The following ZNF652 variants were observed in gnomAD, a reference collection of about 807,000 sequenced individuals.
ZNF652 encodes the protein zinc finger protein 652.
A neutral mutation model predicts 45.2 loss-of-function variants in ZNF652; 16 were observed. That is an observed-to-expected ratio of 0.35 (90% CI 0.24 to 0.54). ZNF652 has a LOEUF of 0.54. Ranked by LOEUF, ZNF652 falls within the 20% of genes least tolerant of loss-of-function variation. The pLI, the probability that ZNF652 is intolerant of heterozygous loss-of-function variation, is 0.91. For missense variants in ZNF652, 614 were observed against 765.6 expected, an observed-to-expected ratio of 0.80 and a Z score of 2.34; for synonymous variants, 250 against 260.6, an observed-to-expected ratio of 0.96 and a Z score of 0.39.
chr17:49,317,525 C>A lies in ZNF652; in HGVS notation c.201G>T (p.Met67Ile), dbSNP rs1346332091. 1 of 1,613,986 alleles carries A rather than the reference C, an allele frequency of 6.2e-7. No homozygotes were observed. Among genetic ancestry groups the A allele is most frequent in the Non-Finnish European group, 8.5e-7 (1 of 1,180,008 alleles). ...CTGTTTCATGGAGATGCGGTTTGCT[C>A]ATCTTGGTGTCCACTAACACAGAAT... ...SPYSVLVDTK[M>I]SKPHLHETEE... Residue 67 changes from methionine to isoleucine, a missense_variant, in exon 2 of 6, where the codon ATG becomes ATT. By Grantham distance (10) the Met-to-Ile change is conservative (BLOSUM62 1). Transcript: ENST00000430262.
At chr17:49,315,896 GAAGAA>G (rs1369419710) in intron 2 of ZNF652, among the ~76,000 whole-genome samples, 5 of 152,168 alleles carry the variant, frequency 3.3e-5, no homozygotes, top group African/African-American at 9.7e-5. Flanking sequence ...AAAAGCAACA[GAAGAA>G]AAGTGAAACT....
intron 1 of ZNF652, among the ~76,000 whole-genome samples, chr17:49,340,549 C>CAAAAA (rs1040246588): frequency 4.6e-4 from 23 of 49,706 alleles, no homozygotes; most frequent in African/African-American, 1.0e-3. Context: ...GACTCTGTCT[C>CAAAAA]AAAAAAAAAA....
intron 1 of ZNF652, among the ~76,000 whole-genome samples, chr17:49,353,325 C>T (rs1262953175): frequency 6.6e-6 from 1 of 151,992 alleles, no homozygotes; most frequent in African/African-American, 2.4e-5. Context: ...GGGACTACAC[C>T]ACACCTGGCT....
rs72835492 is a variant in ZNF652 at position 49,338,225 on chromosome 17, G to A, written c.-258-20242C>T. ...TGGTCTTAAACTCCTTGCCTCAAGCGATCCTCCTGCCTCAGCCTCCCAAAG... is the reference window on the plus strand; with the variant it reads ...TGGTCTTAAACTCCTTGCCTCAAGCAATCCTCCTGCCTCAGCCTCCCAAAG... On this transcript the variant is annotated intron_variant, in intron 1 of 5. Coordinates refer to ENST00000430262, the MANE Select transcript of ZNF652 (RefSeq NM_001145365.3). Among the ~76,000 whole-genome samples, 941 of 151,362 alleles carry A rather than the reference G, an allele frequency of 6.2e-3. 3 individuals are homozygous for A. Among genetic ancestry groups the A allele is most frequent in the Non-Finnish European group, 0.011 (760 of 67,904 alleles).
At chr17:49,344,917 G>A (rs2070188420) in intron 1 of ZNF652, among the ~76,000 whole-genome samples, 1 of 152,138 alleles carries the variant, frequency 6.6e-6, no homozygotes, top group South Asian at 2.1e-4. Context: ...CATTGTTCAA[G>A]TTAGCATTCC....
intron 1 of ZNF652, among the ~76,000 whole-genome samples, chr17:49,351,001 A>C (rs1351922817): frequency 6.8e-4 from 14 of 20,612 alleles, no homozygotes; most frequent in African/African-American, 3.6e-3. Flanking sequence ...ATATATATAT[A>C]TATATATATA....
chr17:49,296,995 C>T lies in ZNF652; in HGVS notation c.*1418G>A, dbSNP rs552709573. 2.0e-5 allele frequency: 3 copies of T among 152,220 alleles called. No homozygotes were observed. In the South Asian group the frequency reaches 6.2e-4, roughly 32 times the overall value. 9.4% of individuals were successfully genotyped at this position (152,220 alleles called of 1,614,324 possible). The stretch of plus-strand genomic sequence containing the variant: ...CTAGAGGTGCTGCTCTCTTTATCGC[C>T]TAAGAATGCTGGTATTACATAATTT... On this transcript the variant is annotated 3_prime_UTR_variant, in exon 6 of 6. Coordinates refer to ENST00000430262, the MANE Select transcript of ZNF652 (RefSeq NM_001145365.3).
chr17:49,355,205 C>T (rs1008842912), intron 1 of ZNF652, among the ~76,000 whole-genome samples: 9 of 152,162 alleles, frequency 5.9e-5, no homozygotes, highest in African/African-American at 2.2e-4. Context: ...ATATATGTTA[C>T]TTATAAAAGT....
intron 5 of ZNF652, among the ~76,000 whole-genome samples, chr17:49,301,059 T>C (rs2069545886): frequency 6.6e-6 from 1 of 152,192 alleles, no homozygotes; most frequent in Non-Finnish European, 1.5e-5. Context: ...TCATCTACTT[T>C]GGGACTCCTT....
intron 1 of ZNF652, among the ~76,000 whole-genome samples, chr17:49,341,439 G>A (rs937698598): frequency 1.5e-5 from 2 of 135,224 alleles, no homozygotes; most frequent in Non-Finnish European, 3.0e-5. Flanking sequence ...GATCACTTGA[G>A]CCTCGGAGTT....
At chr17:49,315,287 T>C (rs906743051) in intron 2 of ZNF652, among the ~76,000 whole-genome samples, 1 of 149,690 alleles carries the variant, frequency 6.7e-6, no homozygotes, top group African/African-American at 2.5e-5. Flanking sequence ...GTGATCCACC[T>C]GCCTTGGCCT....
intron 1 of ZNF652, among the ~76,000 whole-genome samples, chr17:49,359,584 C>T (rs2070371936): frequency 6.6e-6 from 1 of 152,140 alleles, no homozygotes; most frequent in Admixed American, 6.5e-5. Context: ...AAAATTACTA[C>T]CCATTCCAAC....
intron 1 of ZNF652, among the ~76,000 whole-genome samples, chr17:49,351,818 T>C (rs767517440): frequency 6.6e-6 from 1 of 151,918 alleles, no homozygotes; most frequent in Non-Finnish European, 1.5e-5. Flanking sequence ...AGCCCACCTA[T>C]ACAGGAAAAA....
chr17:49,361,016 A>G (rs1481196237), intron 1 of ZNF652: 7 of 152,302 alleles, frequency 4.6e-5, no homozygotes. Context: ...GGATGTGGAA[A>G]GCACCCTTCT....
chr17:49,309,302 A>G (rs927753610), intron 5 of ZNF652, among the ~76,000 whole-genome samples: 2 of 141,468 alleles, frequency 1.4e-5, no homozygotes, highest in Non-Finnish European at 3.0e-5. Flanking sequence ...GACCAACCTC[A>G]TCAATATGGT....
At position 49,292,542 on chromosome 17, in the gene ZNF652, C is replaced by T. The variant is rs990903367; in HGVS notation, c.*5871G>A. Among the ~76,000 whole-genome samples the T allele has an allele frequency of 1.3e-5, 2 of 152,146 alleles. No individual in the cohort carries two copies. The highest frequency in any genetic ancestry group is 4.8e-5 in the African/African-American group (2 of 41,438). On this transcript the variant is annotated 3_prime_UTR_variant, in exon 6 of 6. Transcript: ENST00000430262. ...ATTTGACTAAAATAAAGAGTATAGT[C>T]TTGCAAAATGTGTACGGAAGGGAGT... is the stretch of plus-strand genomic sequence containing the variant.
At chr17:49,327,879 A>C (rs1442039609) in intron 1 of ZNF652, among the ~76,000 whole-genome samples, 1 of 150,286 alleles carries the variant, frequency 6.7e-6, no homozygotes, top group Non-Finnish European at 1.5e-5. Flanking sequence ...CGGCCTCCCA[A>C]AGAGTTGGAA....
Position 49,294,937 on chromosome 17 carries a change from A to G in ZNF652, c.*3476T>C, listed in dbSNP as rs1160917594. ...AAGAATTCATGGGGTGCTGTAGCAT[A>G]TATGGAAGAGAACATACCACATAAT... On this transcript the variant is annotated 3_prime_UTR_variant, in exon 6 of 6. Transcript: ENST00000430262. The G allele has an allele frequency of 6.6e-6, 1 of 152,178 alleles. No individual in the cohort carries two copies. The highest frequency in any genetic ancestry group is 1.5e-5 in the Non-Finnish European group (1 of 68,038). 9.4% of individuals were successfully genotyped at this position (152,178 alleles called of 1,614,324 possible). A position where few individuals can be genotyped will look rare whatever the true frequency, so the allele number is the denominator to read the frequency against.
intron 1 of ZNF652, among the ~76,000 whole-genome samples, chr17:49,354,610 C>CAAAAAAAAAAAAAAAAAAAAAAA (rs562846972): frequency 8.9e-6 from 1 of 111,982 alleles, no homozygotes; most frequent in Non-Finnish European, 1.9e-5. Context: ...GACTCCGCCT[C>CAAAAAAAAAAAAAAAAAAAAAAA]AAAAAAAAAA....
Sources: gnomAD v4.1 joint callset for allele counts (sites outside exome capture counted in the v4.1 genomes callset) on GRCh38, gnomAD v4.1.1 for gene constraint, MANE v1.5 for transcripts, NCBI Gene and HGNC (gene_info 2026-07-23, HGNC 2026-07-21) for gene names.